PDE4D: variants seen among roughly 807,000 people sequenced by gnomAD.
PDE4D encodes phosphodiesterase 4D, also known as 3',5'-cyclic-AMP phosphodiesterase 4D.
In PDE4D, 24 loss-of-function variants were observed where a neutral mutation model predicts 87.4. The ratio of observed to expected loss-of-function variants is 0.27; its 90% confidence interval spans 0.20 to 0.39. The LOEUF (loss-of-function observed/expected upper bound fraction) is 0.39, where lower values mean the gene tolerates loss of function less well. Among genes scored for constraint, PDE4D ranks in the 10% least tolerant of loss-of-function variants. PDE4D has a pLI of 1.00. For missense variants in PDE4D, 714 were observed against 1,041.0 expected (o/e 0.69, Z 4.32); for synonymous variants, 384 against 383.2 (o/e 1.00, Z -0.02).
At chr5:60,266,896 A>G (rs111681685) in intron 1 of PDE4D, among the ~76,000 whole-genome samples, 2,131 of 152,324 alleles carry the variant, frequency 0.014, 25 homozygotes, top group Middle Eastern at 0.034. Context: ...ATAATGTCCC[A>G]ACCATTTTCA....
intron 2 of PDE4D, among the ~76,000 whole-genome samples, chr5:60,102,159 C>A (rs1452536768): frequency 6.6e-6 from 1 of 152,090 alleles, no homozygotes; most frequent in Non-Finnish European, 1.5e-5. Flanking sequence ...TCTAGATGGC[C>A]ATTAATTTGC....
At position 59,253,991 on chromosome 5, in the gene PDE4D, T is replaced by C. The variant is rs146066916; in HGVS notation, c.456-38023A>G. The stretch of plus-strand genomic sequence containing the variant: ...AATTTAACCAAAGGCAGAAATCAAA[T>C]CTACTGGTGTGTTTCATGTATAACC... On this transcript the variant is annotated intron_variant, in intron 1 of 14. Coordinates refer to ENST00000340635, the MANE Select transcript of PDE4D (RefSeq NM_001104631.2). Among the ~76,000 whole-genome samples the C allele has an allele frequency of 3.0e-3, 457 of 152,270 alleles. 2 individuals carry two copies. Among genetic ancestry groups the C allele is most frequent in the African/African-American group, 0.011 (437 of 41,562 alleles).
intron 1 of PDE4D, among the ~76,000 whole-genome samples, chr5:59,447,648 C>A (rs1171237551): frequency 6.6e-6 from 1 of 152,192 alleles, no homozygotes; most frequent in African/African-American, 2.4e-5. Context: ...GGACAGTGCA[C>A]AGAATGTATG....
At chr5:59,842,639 C>T (rs1250592042) in intron 1 of PDE4D, among the ~76,000 whole-genome samples, 2 of 151,836 alleles carry the variant, frequency 1.3e-5, no homozygotes, top group African/African-American at 4.8e-5. Context: ...ATTTAATTTC[C>T]ACTGGCCACA....
intron 2 of PDE4D, among the ~76,000 whole-genome samples, chr5:60,004,237 A>G (rs1764271402): frequency 6.6e-6 from 1 of 152,136 alleles, no homozygotes; most frequent in South Asian, 2.1e-4. Flanking sequence ...CTACATATGG[A>G]TGATAGAAAA....
At chr5:59,328,277 C>A (rs1776077843) in intron 1 of PDE4D, among the ~76,000 whole-genome samples, 1 of 152,048 alleles carries the variant, frequency 6.6e-6, no homozygotes, top group Non-Finnish European at 1.5e-5. Context: ...GTTTTCACAT[C>A]TGTAAAAAGG....
intron 1 of PDE4D, among the ~76,000 whole-genome samples, chr5:60,340,279 A>T (rs1287165834): frequency 2.7e-5 from 4 of 147,158 alleles, no homozygotes; most frequent in South Asian, 2.1e-4. Flanking sequence ...ACAGCATCCT[A>T]TTTTTTTTTT....
At chr5:60,105,339 C>T (rs1270754563) in intron 2 of PDE4D, among the ~76,000 whole-genome samples, 2 of 152,092 alleles carry the variant, frequency 1.3e-5, no homozygotes, top group Admixed American at 6.5e-5. Context: ...ACGAACAAAG[C>T]CTCCAAGAAA....
At position 59,210,483 on chromosome 5, in the gene PDE4D, T is replaced by A. The variant is rs113467410; in HGVS notation, c.647+5294A>T. On this transcript the variant is annotated intron_variant, in intron 2 of 14. Coordinates refer to ENST00000340635, the MANE Select transcript of PDE4D (RefSeq NM_001104631.2). ...TTAATTGCTAAAGAAAGGACAGTAG[T>A]TTGACATGGGAGGTAGGGAGAGTAT... is the stretch of plus-strand genomic sequence containing the variant. 1.8e-3 allele frequency among the ~76,000 whole-genome samples: 267 copies of A among 152,252 alleles called. 1 individual carries two copies. The highest frequency in any genetic ancestry group is 6.0e-3 in the African/African-American group (250 of 41,554).
intron 1 of PDE4D, among the ~76,000 whole-genome samples, chr5:60,244,254 A>T (rs1562252876): frequency 1.3e-5 from 2 of 151,972 alleles, no homozygotes; most frequent in African/African-American, 4.8e-5. Flanking sequence ...AAAGTGAAAG[A>T]TTTCTACAAT....
At chr5:60,014,143 T>C (rs1479027368) in intron 2 of PDE4D, among the ~76,000 whole-genome samples, 5 of 149,716 alleles carry the variant, frequency 3.3e-5, no homozygotes, top group African/African-American at 1.2e-4. Context: ...AGCCATACTA[T>C]TAGGAAGCCC....
chr5:59,963,732 T>C (rs1759723838), intron 3 of PDE4D, among the ~76,000 whole-genome samples: 2 of 152,176 alleles, frequency 1.3e-5, no homozygotes, highest in Admixed American at 1.3e-4. Flanking sequence ...TGTGGGATTT[T>C]ATTAGAAAAT....
At chr5:60,148,403 T>G (rs1008882724) in intron 2 of PDE4D, among the ~76,000 whole-genome samples, 12 of 152,170 alleles carry the variant, frequency 7.9e-5, no homozygotes, top group Non-Finnish European at 1.3e-4. Flanking sequence ...ATTTACATAT[T>G]ATTAGTTATT....
chr5:60,182,767 C>A (rs1299983075), intron 2 of PDE4D, among the ~76,000 whole-genome samples: 1 of 152,074 alleles, frequency 6.6e-6, no homozygotes, highest in Admixed American at 6.5e-5. Context: ...GTAGTCCCTG[C>A]TACTCGGGAG....
At chr5:60,374,922 T>G (rs563585162) in intron 1 of PDE4D, among the ~76,000 whole-genome samples, 13 of 152,294 alleles carry the variant, frequency 8.5e-5, no homozygotes, top group Non-Finnish European at 1.5e-5. Context: ...TTTAGGGAAT[T>G]TTACAGTGCA....
intron 1 of PDE4D, among the ~76,000 whole-genome samples, chr5:59,322,428 T>C (rs984811722): frequency 1.3e-5 from 2 of 152,046 alleles, no homozygotes; most frequent in African/African-American, 2.4e-5. Context: ...TATGGGCTCA[T>C]GTCATCCCTT....
chr5:60,151,623 T>C (rs1490336705), intron 2 of PDE4D, among the ~76,000 whole-genome samples: 1 of 152,218 alleles, frequency 6.6e-6, no homozygotes, highest in Non-Finnish European at 1.5e-5. Flanking sequence ...TTACTGAATT[T>C]GCTTGTTTCA....
intron 3 of PDE4D, among the ~76,000 whole-genome samples, chr5:59,907,187 T>C (rs1243346192): frequency 1.3e-5 from 2 of 152,180 alleles, no homozygotes; most frequent in Non-Finnish European, 2.9e-5. Flanking sequence ...GTTATTTTTT[T>C]GACTTTTTAA....
intron 1 of PDE4D, among the ~76,000 whole-genome samples, chr5:60,481,885 T>G (rs1366275991): frequency 6.6e-6 from 1 of 152,188 alleles, no homozygotes; most frequent in African/African-American, 2.4e-5. Flanking sequence ...TTTTCCTAAT[T>G]TCTTCCAGAT....
Sources: allele counts gnomAD v4.1 joint callset (sites outside exome capture counted in the v4.1 genomes callset), GRCh38; gene constraint gnomAD v4.1.1; transcripts MANE v1.5; gene names NCBI Gene and HGNC (gene_info 2026-07-23, HGNC 2026-07-21).